The following RIMS2 variants were observed in gnomAD, a reference collection of about 807,000 sequenced individuals.
The protein encoded by RIMS2 is regulating synaptic membrane exocytosis 2.
RIMS2 carries 59 observed loss-of-function variants against 174.4 expected under a neutral mutation model. That is an observed-to-expected ratio of 0.34 (90% CI 0.27 to 0.42). The LOEUF is 0.42. RIMS2 is among the 10% of genes least tolerant of loss of function. RIMS2 has a pLI of 1.00. For missense variants in RIMS2, 1,620 were observed against 1,666.3 expected, an observed-to-expected ratio of 0.97 and a Z score of 0.48; for synonymous variants, 606 against 572.5, an observed-to-expected ratio of 1.06 and a Z score of -0.84.
At chr8:104,092,712 A>G (rs2097684645) in intron 19 of RIMS2, among the ~76,000 whole-genome samples, 1 of 151,906 alleles carries the variant, frequency 6.6e-6, no homozygotes, top group Non-Finnish European at 1.5e-5. Flanking sequence ...TCCTTTTTAC[A>G]TCTCAACAAG....
chr8:104,231,348 G>A (rs1210432057), intron 19 of RIMS2, among the ~76,000 whole-genome samples: 1 of 149,674 alleles, frequency 6.7e-6, no homozygotes, highest in Admixed American at 6.6e-5. Flanking sequence ...TTAACAATAT[G>A]AGGTGTTTTC....
intron 1 of RIMS2, among the ~76,000 whole-genome samples, chr8:103,632,731 A>ATTTTTTTTTTTTTTT (rs61579273): frequency 7.1e-5 from 5 of 70,446 alleles, no homozygotes; most frequent in Admixed American, 2.1e-4. Flanking sequence ...ATATTTATTG[A>ATTTTTTTTTTTTTTT]TTTTTTTTTT....
chr8:103,622,603 A>G (rs962632823), intron 1 of RIMS2, among the ~76,000 whole-genome samples: 1 of 152,236 alleles, frequency 6.6e-6, no homozygotes, highest in African/African-American at 2.4e-5. Context: ...CAGCAATCTC[A>G]TACATACAGA....
intron 14 of RIMS2, among the ~76,000 whole-genome samples, chr8:103,943,733 G>A (rs981866184): frequency 6.6e-6 from 1 of 152,102 alleles, no homozygotes; most frequent in Non-Finnish European, 1.5e-5. Flanking sequence ...TACTATTGGA[G>A]ACTGAGGTGT....
chr8:104,244,097 C>T (rs1274954252), intron 19 of RIMS2, among the ~76,000 whole-genome samples: 1 of 152,170 alleles, frequency 6.6e-6, no homozygotes, highest in Non-Finnish European at 1.5e-5. Context: ...CTATGACATA[C>T]TTCTTCCCTG....
intron 3 of RIMS2, among the ~76,000 whole-genome samples, chr8:103,822,598 A>C (rs2098758875): frequency 6.6e-6 from 1 of 151,856 alleles, no homozygotes; most frequent in Non-Finnish European, 1.5e-5. Context: ...TGTTTAGCTT[A>C]TTCTCTTATT....
chr8:103,901,287 A>G (rs2099326780), intron 4 of RIMS2, among the ~76,000 whole-genome samples: 1 of 152,152 alleles, frequency 6.6e-6, no homozygotes, highest in African/African-American at 2.4e-5. Context: ...CTGAATCCTC[A>G]GATTCAGAGG....
At chr8:103,756,390 GT>G (rs60639460) in intron 2 of RIMS2, among the ~76,000 whole-genome samples, 82 of 112,412 alleles carry the variant, frequency 7.3e-4, no homozygotes, top group East Asian at 5.2e-3. Context: ...TGTTGTTTTT[GT>G]TTTTTTTTTT....
At chr8:103,853,074 T>C (rs1017938439) in intron 3 of RIMS2, among the ~76,000 whole-genome samples, 47 of 151,506 alleles carry the variant, frequency 3.1e-4, no homozygotes, top group African/African-American at 1.1e-3. Flanking sequence ...AAATCTGGGG[T>C]TTTTTTTGTT....
intron 17 of RIMS2, among the ~76,000 whole-genome samples, chr8:103,989,954 TG>T (rs755804850): frequency 2.0e-5 from 3 of 152,192 alleles, no homozygotes; most frequent in Non-Finnish European, 4.4e-5. Flanking sequence ...GATTGTTTGC[TG>T]TATTTGGAAG....
intron 1 of RIMS2, among the ~76,000 whole-genome samples, chr8:103,604,542 A>G (rs1254946697): frequency 6.6e-6 from 1 of 151,804 alleles, no homozygotes; most frequent in Non-Finnish European, 1.5e-5. Context: ...GAAGAAAGGC[A>G]TTGGTAGCTT....
chr8:103,984,411 C>T (rs2094184259), intron 16 of RIMS2, among the ~76,000 whole-genome samples: 2 of 152,100 alleles, frequency 1.3e-5, no homozygotes, highest in Admixed American at 1.3e-4. Context: ...ATAGAGATTT[C>T]TCAAAAGAAG....
At chr8:103,759,877 A>T (rs2098089652) in intron 2 of RIMS2, among the ~76,000 whole-genome samples, 1 of 152,186 alleles carries the variant, frequency 6.6e-6, no homozygotes, top group South Asian at 2.1e-4. Context: ...TATCGATTGG[A>T]TGAGCTGCAG....
intron 20 of RIMS2, among the ~76,000 whole-genome samples, chr8:104,246,581 A>G (rs932816274): frequency 6.6e-6 from 1 of 152,246 alleles, no homozygotes; most frequent in South Asian, 2.1e-4. Flanking sequence ...AGTAGATTAG[A>G]TAGCACACAT....
chr8:104,099,749 G>A (rs761611280), intron 19 of RIMS2, among the ~76,000 whole-genome samples: 1 of 151,922 alleles, frequency 6.6e-6, no homozygotes, highest in East Asian at 1.9e-4. Flanking sequence ...AGCACAAAAT[G>A]TTGTTCCATT....
intron 19 of RIMS2, among the ~76,000 whole-genome samples, chr8:104,067,205 GGTATGTGTGT>G (rs2097121103): frequency 6.6e-6 from 1 of 151,912 alleles, no homozygotes; most frequent in Non-Finnish European, 1.5e-5. Flanking sequence ...TTAAGCAAGG[GGTATGTGTGT>G]GTATGTTGAC....
chr8:103,647,333 T>A (rs1209314215), intron 1 of RIMS2, among the ~76,000 whole-genome samples: 3 of 151,192 alleles, frequency 2.0e-5, no homozygotes, highest in Admixed American at 6.6e-5. Flanking sequence ...GGTTTTGGTA[T>A]CAATGTGATA....
chr8:103,829,719 G>A (rs963792423), intron 3 of RIMS2, among the ~76,000 whole-genome samples: 7 of 152,156 alleles, frequency 4.6e-5, no homozygotes, highest in African/African-American at 1.7e-4. Flanking sequence ...ATGGAGGGTA[G>A]GAGGAGAGTG....
chr8:104,043,879 G>A (rs372833230), intron 19 of RIMS2, among the ~76,000 whole-genome samples: 20 of 151,638 alleles, frequency 1.3e-4, no homozygotes, highest in African/African-American at 4.8e-4. Flanking sequence ...ATAGATATGT[G>A]AAGGAAATTG....
Sources: allele counts gnomAD v4.1 joint callset (sites outside exome capture counted in the v4.1 genomes callset), GRCh38; gene constraint gnomAD v4.1.1; transcripts MANE v1.5; gene names NCBI Gene and HGNC (gene_info 2026-07-23, HGNC 2026-07-21).